KHDRBS3: variants seen among roughly 807,000 people sequenced by gnomAD.
KHDRBS3 encodes the protein KH RNA binding domain containing, signal transduction associated 3.
KHDRBS3 carries 23 observed loss-of-function variants against 45.6 expected under a neutral mutation model. The observed-to-expected ratio is 0.50, with a 90% CI of 0.36 to 0.72. The LOEUF is 0.72. Among genes scored for constraint, KHDRBS3 ranks in the 30% least tolerant of loss-of-function variants. The pLI is 0.00. For missense variants in KHDRBS3, 352 were observed against 424.8 expected, an observed-to-expected ratio of 0.83 and a Z score of 1.51; for synonymous variants, 162 against 156.5, an observed-to-expected ratio of 1.04 and a Z score of -0.26.
At chr8:135,482,482 C>A (rs1394782229) in intron 1 of KHDRBS3, among the ~76,000 whole-genome samples, 1 of 152,116 alleles carries the variant, frequency 6.6e-6, no homozygotes. Flanking sequence ...CTGGAAGAAA[C>A]CTCATGTTCT....
chr8:135,492,246 G>A (rs4486244), intron 1 of KHDRBS3, among the ~76,000 whole-genome samples: 13,615 of 151,974 alleles, frequency 0.09, 1,045 homozygotes, highest in African/African-American at 0.21. Context: ...CACTAGATAC[G>A]TGGATTGTAG....
chr8:135,501,127 C>T (rs1208091423), intron 1 of KHDRBS3, among the ~76,000 whole-genome samples: 1 of 152,178 alleles, frequency 6.6e-6, no homozygotes, highest in Non-Finnish European at 1.5e-5. Context: ...TCAATAAATG[C>T]TGGTTCCCAT....
At chr8:135,515,140 G>A (rs958537675) in intron 1 of KHDRBS3, among the ~76,000 whole-genome samples, 2 of 151,934 alleles carry the variant, frequency 1.3e-5, no homozygotes, top group Admixed American at 6.6e-5. Flanking sequence ...GCCGAGGCGG[G>A]CGGATCACGA....
chr8:135,620,035 G>A (rs1318091869), intron 7 of KHDRBS3, among the ~76,000 whole-genome samples: 1 of 149,146 alleles, frequency 6.7e-6, no homozygotes, highest in Non-Finnish European at 1.5e-5. Context: ...ATACAAGACT[G>A]TTTCTTCTAT....
intron 1 of KHDRBS3, among the ~76,000 whole-genome samples, chr8:135,516,574 G>GTGTA (rs1554621001): frequency 5.3e-5 from 8 of 151,244 alleles, no homozygotes; most frequent in African/African-American, 2.0e-4. Flanking sequence ...CTTACATTGT[G>GTGTA]TGTGTGTGTG....
At chr8:135,611,861 C>T (rs568117263) in intron 7 of KHDRBS3, among the ~76,000 whole-genome samples, 2 of 151,912 alleles carry the variant, frequency 1.3e-5, no homozygotes, top group South Asian at 4.1e-4. Context: ...CACAACACTG[C>T]ATGTTTCAGA....
intron 7 of KHDRBS3, among the ~76,000 whole-genome samples, chr8:135,636,637 A>AG (rs756919833): frequency 6.3e-4 from 96 of 152,316 alleles, no homozygotes; most frequent in Non-Finnish European, 1.2e-3. Context: ...GCAGCAAGAG[A>AG]AGAATAAAGC....
intron 7 of KHDRBS3, among the ~76,000 whole-genome samples, chr8:135,641,060 G>A (rs1831037941): frequency 6.6e-6 from 1 of 152,124 alleles, no homozygotes; most frequent in South Asian, 2.1e-4. Context: ...GATAGCAAAT[G>A]TCAGTTTTAA....
Position 135,485,741 on chromosome 8 carries a change from A to C in KHDRBS3, c.88+27787A>C, listed in dbSNP as rs374569421. On this transcript the variant is annotated intron_variant, in intron 1 of 8. Transcript: ENST00000355849. ...TGATGACGGTGATGATGGCATTTGC[A>C]AAGTCCTTCACAGGCCTTCACCCAA... Among the ~76,000 whole-genome samples the C allele has an allele frequency of 8.8e-4, 134 of 151,494 alleles. 2 individuals are homozygous for C. Among genetic ancestry groups the C allele is most frequent in the African/African-American group, 3.1e-3 (128 of 41,118 alleles).
At chr8:135,581,144 C>G (rs942509047) in intron 5 of KHDRBS3, among the ~76,000 whole-genome samples, 1 of 152,196 alleles carries the variant, frequency 6.6e-6, no homozygotes, top group Non-Finnish European at 1.5e-5. Context: ...CCTGGAGGGC[C>G]TTATCCAGAT....
At chr8:135,553,398 G>C (rs1325381175) in intron 4 of KHDRBS3, among the ~76,000 whole-genome samples, 1 of 151,716 alleles carries the variant, frequency 6.6e-6, no homozygotes, top group African/African-American at 2.4e-5. Context: ...ACCAGAAGTC[G>C]CATGTCCTAT....
chr8:135,592,021 A>G (rs1828767097), intron 6 of KHDRBS3, among the ~76,000 whole-genome samples: 1 of 152,152 alleles, frequency 6.6e-6, no homozygotes, highest in African/African-American at 2.4e-5. Flanking sequence ...GCCTAGGGAC[A>G]CCTTTTTATT....
chr8:135,502,696 T>C (rs1312749366), intron 1 of KHDRBS3, among the ~76,000 whole-genome samples: 1 of 152,184 alleles, frequency 6.6e-6, no homozygotes, highest in East Asian at 1.9e-4. Context: ...TGTGTGCTTT[T>C]TCCAACCCGT....
At chr8:135,470,306 G>GTT (rs111846180) in intron 1 of KHDRBS3, among the ~76,000 whole-genome samples, 2 of 150,318 alleles carry the variant, frequency 1.3e-5, no homozygotes, top group Non-Finnish European at 2.9e-5. Flanking sequence ...AAGTTTTACT[G>GTT]GTTTTTTTTT....
chr8:135,523,547 T>G (rs1229519304), intron 2 of KHDRBS3, among the ~76,000 whole-genome samples: 1 of 152,204 alleles, frequency 6.6e-6, no homozygotes, highest in Non-Finnish European at 1.5e-5. Context: ...ATTATACCAT[T>G]TGCTTAAATA....
intron 1 of KHDRBS3, among the ~76,000 whole-genome samples, chr8:135,464,664 G>T (rs1203729491): frequency 1.3e-5 from 2 of 152,212 alleles, no homozygotes; most frequent in Non-Finnish European, 2.9e-5. Flanking sequence ...GCTAATGATA[G>T]TAGCTACCAT....
intron 3 of KHDRBS3, 55 bp downstream of exon 3, chr8:135,542,825 C>T: frequency 6.1e-6 from 7 of 1,145,580 alleles, no homozygotes; most frequent in Middle Eastern, 3.9e-4. Context: ...ATTATGTGCT[C>T]TTATATTATC....
downstream of KHDRBS3, among the ~76,000 whole-genome samples, chr8:135,650,614 G>T (rs1041423967): frequency 2.0e-5 from 3 of 152,276 alleles, no homozygotes; most frequent in African/African-American, 7.2e-5. Flanking sequence ...GATTTGAACC[G>T]ATTGACTTCA....
intron 5 of KHDRBS3, among the ~76,000 whole-genome samples, chr8:135,567,603 G>T (rs1021998908): frequency 6.6e-6 from 1 of 152,084 alleles, no homozygotes; most frequent in East Asian, 1.9e-4. Flanking sequence ...TGTATTGTTG[G>T]GTCCAAGCAT....
Sources: gnomAD v4.1 joint callset for allele counts (sites outside exome capture counted in the v4.1 genomes callset) on GRCh38, gnomAD v4.1.1 for gene constraint, MANE v1.5 for transcripts, NCBI Gene and HGNC (gene_info 2026-07-23, HGNC 2026-07-21) for gene names.